The following PPM1H variants were observed in gnomAD, a reference collection of about 807,000 sequenced individuals.
The protein encoded by PPM1H is protein phosphatase 1H.
Under a neutral mutation model 54.9 loss-of-function variants are expected in PPM1H, and 27 were observed. That is an observed-to-expected ratio of 0.49 (90% confidence interval 0.36 to 0.68). The LOEUF (loss-of-function observed/expected upper bound fraction) is 0.68. Among genes scored for constraint, PPM1H ranks in the 30% least tolerant of loss-of-function variants. The pLI, the probability that PPM1H is intolerant of heterozygous loss-of-function variation, is 0.00. For missense variants in PPM1H, 596 were observed against 667.8 expected (o/e 0.89, Z 1.19); for synonymous variants, 305 against 270.8 (o/e 1.13, Z -1.24).
intron 1 of PPM1H, among the ~76,000 whole-genome samples, chr12:62,854,978 A>G (rs1869330493): frequency 6.6e-6 from 1 of 152,174 alleles, no homozygotes; most frequent in Admixed American, 6.5e-5. Context: ...TTCAGGGATT[A>G]GACATCTGGT....
intron 6 of PPM1H, among the ~76,000 whole-genome samples, chr12:62,715,357 G>A (rs2076229299): frequency 6.6e-6 from 1 of 151,944 alleles, no homozygotes; most frequent in African/African-American, 2.4e-5. Flanking sequence ...AGCAAGGGAA[G>A]ACTCCATCAG....
chr12:62,884,077 C>T (rs1048705239), intron 1 of PPM1H, among the ~76,000 whole-genome samples: 1 of 152,102 alleles, frequency 6.6e-6, no homozygotes, highest in Non-Finnish European at 1.5e-5. Context: ...TTAATGTGAC[C>T]AAACTTGAAC....
At chr12:62,854,688 C>G (rs919234736) in intron 1 of PPM1H, among the ~76,000 whole-genome samples, 1 of 151,390 alleles carries the variant, frequency 6.6e-6, no homozygotes, top group Non-Finnish European at 1.5e-5. Flanking sequence ...CATGAAATCA[C>G]GAGTATCACA....
intron 2 of PPM1H, among the ~76,000 whole-genome samples, chr12:62,819,253 C>T (rs2076888023): frequency 6.6e-6 from 1 of 151,818 alleles, no homozygotes; most frequent in South Asian, 2.1e-4. Flanking sequence ...CCTCAGCCTC[C>T]CGAGTAACTG....
At chr12:62,772,411 T>G (rs1163958056) in intron 4 of PPM1H, among the ~76,000 whole-genome samples, 1 of 152,250 alleles carries the variant, frequency 6.6e-6, no homozygotes, top group East Asian at 1.9e-4. Context: ...AGAGCTACTG[T>G]GCACTTTAGC....
intron 2 of PPM1H, among the ~76,000 whole-genome samples, chr12:62,824,539 G>A (rs1868267640): frequency 6.6e-6 from 1 of 152,152 alleles, no homozygotes; most frequent in Non-Finnish European, 1.5e-5. Flanking sequence ...CATGGTACTG[G>A]TACCAAAACA....
chr12:62,839,329 A>G (rs1868634079), intron 1 of PPM1H, among the ~76,000 whole-genome samples: 1 of 152,184 alleles, frequency 6.6e-6, no homozygotes, highest in African/African-American at 2.4e-5. Flanking sequence ...TCAGCCCACA[A>G]TCAGATTGAT....
chr12:62,799,602 G>A (rs2076754074), intron 3 of PPM1H, among the ~76,000 whole-genome samples: 1 of 152,154 alleles, frequency 6.6e-6, no homozygotes. Context: ...TTTACACCAC[G>A]ACTGAGTGGG....
chr12:62,676,393 A>G (rs1322454775), intron 8 of PPM1H, among the ~76,000 whole-genome samples: 1 of 152,056 alleles, frequency 6.6e-6, no homozygotes, highest in Admixed American at 6.6e-5. Flanking sequence ...AGCTGGTGGG[A>G]GCTGGGAACA....
rs1395578185 is a variant in PPM1H, at chr12:62,645,338, A to G, written c.*3151T>C. On this transcript the variant is annotated 3_prime_UTR_variant, in exon 10 of 10. Coordinates refer to ENST00000228705, the MANE Select transcript of PPM1H (RefSeq NM_020700.2). Reference sequence around the variant, plus strand: ...AGCCTCATGGAGGTTAAGTTGTTCAAGAATTTAAAAAGTAAACACCCCAAA... The same window carrying G: ...AGCCTCATGGAGGTTAAGTTGTTCAGGAATTTAAAAAGTAAACACCCCAAA... 6.6e-6 allele frequency: 1 copy of G among 152,248 alleles called. No individual in the cohort carries two copies. Among genetic ancestry groups the G allele is most frequent in the African/African-American group, 2.4e-5 (1 of 41,458 alleles). 9.4% of individuals were successfully genotyped at this position (152,248 alleles called of 1,614,324 possible).
rs764255882 is a variant in PPM1H at position 62,825,811 on chromosome 12, AAC to A, written c.411+6301_411+6302del. Among the ~76,000 whole-genome samples the A allele has an allele frequency of 5.1e-3, 781 of 152,232 alleles. 4 individuals carry two copies. Among genetic ancestry groups the A allele is most frequent in the Middle Eastern group, 0.01 (3 of 294 alleles). On this transcript the variant is annotated intron_variant, in intron 2 of 9. Transcript: ENST00000228705. ...GATGAGTTAATGGGTGCAGCAAACCAACATGGCACACATATACCTACGTAACA... is the reference window on the plus strand; with the variant it reads ...GATGAGTTAATGGGTGCAGCAAACCAATGGCACACATATACCTACGTAACA...
chr12:62,688,428 T>TAAA (rs10556503), intron 8 of PPM1H, among the ~76,000 whole-genome samples: 4 of 148,990 alleles, frequency 2.7e-5, no homozygotes, highest in East Asian at 1.9e-4. Flanking sequence ...CAAAAGTAAT[T>TAAA]AAAAAAAAAA....
At chr12:62,911,369 T>A (rs1871454785) in intron 1 of PPM1H, among the ~76,000 whole-genome samples, 1 of 152,238 alleles carries the variant, frequency 6.6e-6, no homozygotes, top group African/African-American at 2.4e-5. Flanking sequence ...AACACATTTT[T>A]AAATTAAAGG....
intron 1 of PPM1H, among the ~76,000 whole-genome samples, chr12:62,857,277 A>G (rs1869425458): frequency 6.6e-6 from 1 of 152,214 alleles, no homozygotes; most frequent in Non-Finnish European, 1.5e-5. Flanking sequence ...TGTTTTGGCC[A>G]GTTAAATATG....
intron 5 of PPM1H, among the ~76,000 whole-genome samples, chr12:62,725,670 T>C (rs1592564788): frequency 6.6e-6 from 1 of 152,378 alleles, no homozygotes; most frequent in East Asian, 1.9e-4. Context: ...TGCTTTTCTC[T>C]TGTTTATCTT....
intron 3 of PPM1H, among the ~76,000 whole-genome samples, chr12:62,796,520 G>C (rs1467431246): frequency 1.3e-5 from 2 of 152,176 alleles, no homozygotes; most frequent in African/African-American, 4.8e-5. Context: ...CATTATAAAG[G>C]ATATTACAAA....
intron 4 of PPM1H, among the ~76,000 whole-genome samples, chr12:62,745,176 G>C (rs902186557): frequency 6.6e-6 from 1 of 151,914 alleles, no homozygotes; most frequent in Non-Finnish European, 1.5e-5. Flanking sequence ...AAGTGGGAGA[G>C]AAAGTTAATT....
chr12:62,724,837 T>C (rs993023676), intron 5 of PPM1H, among the ~76,000 whole-genome samples: 2 of 152,232 alleles, frequency 1.3e-5, no homozygotes, highest in Admixed American at 6.5e-5. Flanking sequence ...ATCACTATTG[T>C]ATATATTTAA....
At chr12:62,904,197 G>A (rs930086652) in intron 1 of PPM1H, among the ~76,000 whole-genome samples, 6 of 151,954 alleles carry the variant, frequency 3.9e-5, no homozygotes, top group African/African-American at 1.5e-4. Flanking sequence ...GTAACAAAAA[G>A]GCCCACAAAC....
Sources: allele counts gnomAD v4.1 joint callset (sites outside exome capture counted in the v4.1 genomes callset), GRCh38; gene constraint gnomAD v4.1.1; transcripts MANE v1.5; gene names NCBI Gene and HGNC (gene_info 2026-07-23, HGNC 2026-07-21).